EYS: variants seen among roughly 807,000 people sequenced by gnomAD.
EYS encodes the protein protein eyes shut homolog.
In EYS, 250 loss-of-function variants were observed where a neutral mutation model predicts 282.1. That is an observed-to-expected ratio of 0.89 (90% CI 0.80 to 0.98). The LOEUF (loss-of-function observed/expected upper bound fraction) is 0.98, where lower values mean the gene tolerates loss of function less well. EYS is among the 50% of genes least tolerant of loss of function. The probability of loss-of-function intolerance (pLI) is 0.00; values close to 1 mark genes in which losing one functional copy is unlikely to be tolerated. For missense variants in EYS, 4,016 were observed against 3,709.0 expected (o/e 1.08, Z -2.15); for synonymous variants, 1,355 against 1,282.9 (o/e 1.06, Z -1.20).
rs996228255 is a variant in EYS, at chr6:64,640,365, T to C, written c.3444-14120A>G. 1.2e-4 allele frequency among the ~76,000 whole-genome samples: 18 copies of C among 152,242 alleles called. No homozygotes were observed. In the South Asian group the frequency reaches 3.1e-3, roughly 26 times the overall value. On this transcript the variant is annotated intron_variant, in intron 22 of 42. Transcript: ENST00000503581. ...CTGGATTAAGAAAATGTGGCACATA[T>C]ACACCATGGAATACTATATACAGCC...
chr6:63,735,696 A>G (rs776876317), intron 41 of EYS, among the ~76,000 whole-genome samples: 1 of 152,078 alleles, frequency 6.6e-6, no homozygotes, highest in Non-Finnish European at 1.5e-5. Context: ...CCAACAATCC[A>G]ATCCATAGGC....
intron 2 of EYS, among the ~76,000 whole-genome samples, chr6:65,547,812 A>G (rs1768450511): frequency 6.6e-6 from 1 of 152,080 alleles, no homozygotes; most frequent in Non-Finnish European, 1.5e-5. Flanking sequence ...TAAGCCCTGT[A>G]CTCCCTGAAA....
At chr6:64,180,566 A>G (rs1450316202) in intron 31 of EYS, among the ~76,000 whole-genome samples, 3 of 149,840 alleles carry the variant, frequency 2.0e-5, no homozygotes, top group Non-Finnish European at 4.4e-5. Context: ...TTTTCAACCC[A>G]TACCCCCTCC....
intron 33 of EYS, among the ~76,000 whole-genome samples, chr6:64,048,117 G>A (rs1770689471): frequency 6.6e-6 from 1 of 152,062 alleles, no homozygotes; most frequent in Admixed American, 6.6e-5. Flanking sequence ...TGTTGGCCAG[G>A]CTGATCTCAA....
At chr6:64,062,413 C>T (rs527773524) in intron 33 of EYS, among the ~76,000 whole-genome samples, 2 of 152,086 alleles carry the variant, frequency 1.3e-5, no homozygotes, top group African/African-American at 4.8e-5. Flanking sequence ...TGTTCTCAGC[C>T]AGGCTTGGTG....
intron 12 of EYS, among the ~76,000 whole-genome samples, chr6:65,131,121 A>C (rs1186688781): frequency 6.6e-6 from 1 of 151,740 alleles, no homozygotes; most frequent in African/African-American, 2.4e-5. Flanking sequence ...CAAGCTAATT[A>C]ACATATTAAT....
At chr6:64,259,650 G>GCACACA (rs1554222995) in intron 30 of EYS, among the ~76,000 whole-genome samples, 11 of 145,712 alleles carry the variant, frequency 7.5e-5, no homozygotes, top group South Asian at 6.6e-4. Context: ...TTACACACGC[G>GCACACA]CACACACACA....
intron 31 of EYS, among the ~76,000 whole-genome samples, chr6:64,177,702 C>G (rs1338154995): frequency 2.0e-5 from 3 of 152,104 alleles, no homozygotes; most frequent in African/African-American, 7.2e-5. Flanking sequence ...TACCATGATT[C>G]ACACTTGTTA....
chr6:64,023,994 A>T (rs1769339371), intron 33 of EYS, among the ~76,000 whole-genome samples: 1 of 152,126 alleles, frequency 6.6e-6, no homozygotes, highest in Non-Finnish European at 1.5e-5. Flanking sequence ...CAGGACATGC[A>T]GCTCGCCATG....
intron 5 of EYS, among the ~76,000 whole-genome samples, chr6:65,424,739 G>A (rs1767597103): frequency 6.6e-6 from 1 of 151,948 alleles, no homozygotes; most frequent in Admixed American, 6.6e-5. Flanking sequence ...ATTAACTGAG[G>A]CATGTACCGG....
At chr6:64,648,388 T>C (rs1056120599) in intron 22 of EYS, among the ~76,000 whole-genome samples, 2 of 152,216 alleles carry the variant, frequency 1.3e-5, no homozygotes, top group African/African-American at 4.8e-5. Flanking sequence ...TTCTACTCTA[T>C]TATTTCTGTC....
chr6:64,035,995 G>C (rs967757951), intron 33 of EYS, among the ~76,000 whole-genome samples: 1 of 152,196 alleles, frequency 6.6e-6, no homozygotes, highest in Non-Finnish European at 1.5e-5. Context: ...CTAAAGAGTA[G>C]TGCTGTATGA....
intron 5 of EYS, among the ~76,000 whole-genome samples, chr6:65,427,207 A>T (rs1411179725): frequency 6.6e-6 from 1 of 152,006 alleles, no homozygotes; most frequent in African/African-American, 2.4e-5. Context: ...CTTCAGGAGC[A>T]TCATAGTTAT....
chr6:63,790,607 T>C (rs1770485023), intron 37 of EYS, among the ~76,000 whole-genome samples: 1 of 152,214 alleles, frequency 6.6e-6, no homozygotes, highest in African/African-American at 2.4e-5. Flanking sequence ...TTAGCTGGGT[T>C]GTATATTTAA....
chr6:64,097,390 G>T (rs534842074), intron 31 of EYS, among the ~76,000 whole-genome samples: 4 of 152,296 alleles, frequency 2.6e-5, no homozygotes, highest in African/African-American at 9.6e-5. Context: ...TTGAGCTGCG[G>T]TGGCCTCCAC....
chr6:65,061,697 G>A (rs1282857752), intron 12 of EYS, among the ~76,000 whole-genome samples: 1 of 151,458 alleles, frequency 6.6e-6, no homozygotes, highest in Non-Finnish European at 1.5e-5. Context: ...CCTTTTAATT[G>A]TTTAACTGAA....
chr6:64,133,534 T>C (rs936082582), intron 31 of EYS, among the ~76,000 whole-genome samples: 1 of 151,364 alleles, frequency 6.6e-6, no homozygotes, highest in East Asian at 1.9e-4. Flanking sequence ...CCATTTGTAT[T>C]GGTTTAACTA....
intron 12 of EYS, among the ~76,000 whole-genome samples, chr6:65,148,829 T>C (rs938266436): frequency 2.6e-5 from 4 of 152,104 alleles, no homozygotes; most frequent in Admixed American, 6.5e-5. Flanking sequence ...TTGACTTCTG[T>C]GTACCCACAG....
At chr6:65,675,201 G>A (rs955293019) in intron 1 of EYS, among the ~76,000 whole-genome samples, 7 of 150,920 alleles carry the variant, frequency 4.6e-5, no homozygotes, top group African/African-American at 1.7e-4. Context: ...AGAGGAACAA[G>A]AAAAGCTACA....
Sources: allele counts gnomAD v4.1 joint callset (sites outside exome capture counted in the v4.1 genomes callset), GRCh38; gene constraint gnomAD v4.1.1; transcripts MANE v1.5; gene names NCBI Gene and HGNC (gene_info 2026-07-23, HGNC 2026-07-21).